Variants in SLC5A11 observed in about 807,000 individuals in gnomAD.
The protein encoded by SLC5A11 is solute carrier family 5 member 11, also known as sodium/myo-inositol cotransporter 2.
Under a neutral mutation model 69.8 loss-of-function variants are expected in SLC5A11, and 48 were observed. The observed-to-expected ratio is 0.69, with a 90% CI of 0.55 to 0.87. The LOEUF (loss-of-function observed/expected upper bound fraction) is 0.87, where lower values mean the gene tolerates loss of function less well. SLC5A11 is among the 40% of genes least tolerant of loss of function. The probability of loss-of-function intolerance (pLI) is 0.00; values close to 1 mark genes in which losing one functional copy is unlikely to be tolerated. For synonymous variants in SLC5A11, 319 were observed against 342.4 expected (o/e 0.93, Z 0.75); for missense variants, 784 against 866.1 (o/e 0.91, Z 1.19).
intron 1 of SLC5A11, among the ~76,000 whole-genome samples, chr16:24,852,317 G>A (rs2059349053): frequency 6.6e-6 from 1 of 152,062 alleles, no homozygotes; most frequent in East Asian, 1.9e-4. Flanking sequence ...ACTGGGGTGT[G>A]GAAATTTTTC....
chr16:24,849,571 G>C (rs1269826623), intron 1 of SLC5A11, among the ~76,000 whole-genome samples: 1 of 15,988 alleles, frequency 6.3e-5, no homozygotes, highest in Non-Finnish European at 1.0e-4. Flanking sequence ...TGCCTTGGGG[G>C]CAAAAAAAAA....
chr16:24,855,300 C>T (rs1433877350), intron 1 of SLC5A11, among the ~76,000 whole-genome samples: 1 of 151,902 alleles, frequency 6.6e-6, no homozygotes, highest in Admixed American at 6.6e-5. Flanking sequence ...GGGATTAGCA[C>T]GTTTATAAAA....
chr16:24,856,026 C>G (rs2059513397), intron 1 of SLC5A11, among the ~76,000 whole-genome samples: 1 of 152,202 alleles, frequency 6.6e-6, no homozygotes, highest in Admixed American at 6.5e-5. Context: ...ATACCACTTT[C>G]TTATTAGAAA....
At chr16:24,866,727 T>C (rs908056002) in intron 3 of SLC5A11, among the ~76,000 whole-genome samples, 2 of 150,976 alleles carry the variant, frequency 1.3e-5, no homozygotes, top group African/African-American at 4.9e-5. Flanking sequence ...AAAGCAGGAG[T>C]GGCTATACTA....
intron 12 of SLC5A11, 25 bp downstream of exon 13, chr16:24,907,200 G>T: frequency 6.2e-7 from 1 of 1,612,840 alleles, no homozygotes; most frequent in Non-Finnish European, 8.5e-7. Context: ...GGTGGGGCTG[G>T]GGCAGGGGGA....
rs555458831 is a variant in SLC5A11 at position 24,898,647 on chromosome 16, T to C, written c.1006+538T>C. Among the ~76,000 whole-genome samples, 68 of 152,110 alleles carry C rather than the reference T, an allele frequency of 4.5e-4. No homozygotes were observed. The South Asian group carries it at 8.5e-3, about 19-fold the overall frequency. On this transcript the variant is annotated intron_variant, in intron 10 of 15. Coordinates refer to ENST00000347898, the Ensembl canonical transcript of SLC5A11. ...CATTCTCCTGCCTCAGCCTCCTGAG[T>C]AGCTGGGACTACAGGTGCCCGTCAC...
Position 24,858,538 on chromosome 16 carries a change from A to G in SLC5A11, c.-24-82A>G, listed in dbSNP as rs144936285. On this transcript the variant is annotated intron_variant, in intron 1 of 15. Transcript: ENST00000347898. The stretch of plus-strand genomic sequence containing the variant: ...CCTCCACATGGGTCCTCTTTCATGG[A>G]TGGCCTAGGGAGGTAGCTACAGAAA... The G allele has an allele frequency of 8.2e-5, 104 of 1,269,114 alleles. No homozygotes were observed. The African/African-American group carries it at 1.4e-3, about 18-fold the overall frequency. The allele number at this position is 1,269,114 out of a possible 1,614,324, so 78.6% of individuals were successfully genotyped here. A position where few individuals can be genotyped will look rare whatever the true frequency, so the allele number is the denominator to read the frequency against.
At chr16:24,849,665 G>A (rs2059215235) in intron 1 of SLC5A11, among the ~76,000 whole-genome samples, 1 of 139,880 alleles carries the variant, frequency 7.1e-6, no homozygotes, top group African/African-American at 2.7e-5. Context: ...GACAGGTCTG[G>A]GCTCAGAAGG....
At position 24,863,859 on chromosome 16, in the gene SLC5A11, G is replaced by A. The variant is rs367597749; in HGVS notation, c.207+1187G>A. On this transcript the variant is annotated intron_variant, in intron 3 of 15. Coordinates refer to ENST00000347898, the Ensembl canonical transcript of SLC5A11. ...AGAAGCAACTGAAGAGGTCAGAATG[G>A]GATTAGAACTCTTTCAAAACTCCAT... 2.6e-5 allele frequency among the ~76,000 whole-genome samples: 4 copies of A among 152,148 alleles called. No homozygotes were observed. In the East Asian group the frequency reaches 5.8e-4, roughly 22 times the overall value.
intron 3 of SLC5A11, among the ~76,000 whole-genome samples, chr16:24,865,212 CT>C (rs2046845145): frequency 1.3e-5 from 2 of 152,116 alleles, no homozygotes; most frequent in Admixed American, 6.6e-5. Context: ...CAAAATCAAA[CT>C]GTCAAAAGTC....
chr16:24,910,608 G>A (rs1332832235), intron 15 of SLC5A11, 131 bp downstream of exon 16: 1 of 1,029,936 alleles, frequency 9.7e-7, no homozygotes, highest in Non-Finnish European at 1.4e-6. Context: ...TCTGGCTCCA[G>A]TGTCTGATCT....
intron 15 of SLC5A11, among the ~76,000 whole-genome samples, chr16:24,911,004 A>C (rs1208458570): frequency 6.6e-6 from 1 of 151,830 alleles, no homozygotes; most frequent in Non-Finnish European, 1.5e-5. Context: ...TCCTGTCTCT[A>C]CTAAAAATAT....
At chr16:24,888,478 C>CTTTTTTTTTTTTTTTTTTTTTTTTTTTTT (rs891552223) in intron 8 of SLC5A11, among the ~76,000 whole-genome samples, 1 of 81,406 alleles carries the variant, frequency 1.2e-5, no homozygotes, top group Non-Finnish European at 2.2e-5. Flanking sequence ...GTATCTATTT[C>CTTTTTTTTTTTTTTTTTTTTTTTTTTTTT]TTTTTTTTTT....
Position 24,866,954 on chromosome 16 carries a change from T to C in SLC5A11, c.208-2947T>C, listed in dbSNP as rs186853000. On this transcript the variant is annotated intron_variant, in intron 3 of 15. Coordinates refer to ENST00000347898, the Ensembl canonical transcript of SLC5A11. ...AATAATTGGTGACTTTAATATCTCA[T>C]TTTCAATAATGTATGGAAAAACAAA... 9.2e-4 allele frequency among the ~76,000 whole-genome samples: 140 copies of C among 152,208 alleles called. 1 individual carries two copies. The East Asian group carries it at 0.023, about 25-fold the overall frequency.
At chr16:24,866,471 A>G (rs1365047699) in intron 3 of SLC5A11, among the ~76,000 whole-genome samples, 3 of 151,702 alleles carry the variant, frequency 2.0e-5, no homozygotes, top group Non-Finnish European at 4.4e-5. Context: ...CCAGCTACTC[A>G]GGGAAGCTGA....
At position 24,890,851 on chromosome 16, in the gene SLC5A11, G is replaced by T; in HGVS notation, c.665-18G>T. ...ACCAATCTGAGTTCCCGGAAAATAG[G>T]CTTCCTCTGAATTCTAGGTTTCGCC... On this transcript the variant is annotated intron_variant, in intron 8 of 15. Coordinates refer to ENST00000347898, the Ensembl canonical transcript of SLC5A11. The T allele has an allele frequency of 6.2e-7, 1 of 1,613,124 alleles. No individual in the cohort carries two copies. The highest frequency in any genetic ancestry group is 8.5e-7 in the Non-Finnish European group (1 of 1,179,244).
chr16:24,909,678 A>G (rs1335696841), intron 14 of SLC5A11, among the ~76,000 whole-genome samples: 2 of 149,302 alleles, frequency 1.3e-5, no homozygotes, highest in Non-Finnish European at 1.5e-5. Context: ...GAAAAGAAAA[A>G]ATTAGCAGGG....
chr16:24,910,786 CAGTT>C, intron 15 of SLC5A11, among the ~76,000 whole-genome samples: 1 of 152,280 alleles, frequency 6.6e-6, no homozygotes, highest in Admixed American at 6.5e-5. Flanking sequence ...TGCCTTCTCT[CAGTT>C]AGTGCTTCTA....
intron 3 of SLC5A11, among the ~76,000 whole-genome samples, chr16:24,863,906 T>C (rs1470365714): frequency 6.6e-6 from 1 of 152,154 alleles, no homozygotes; most frequent in Non-Finnish European, 1.5e-5. Context: ...GGTCACTGTT[T>C]TACCCGTCAC....
Sources: gnomAD v4.1 joint callset for allele counts (sites outside exome capture counted in the v4.1 genomes callset) on GRCh38, gnomAD v4.1.1 for gene constraint, MANE v1.5 for transcripts, NCBI Gene and HGNC (gene_info 2026-07-23, HGNC 2026-07-21) for gene names.